The following PIK3C2B variants were observed in gnomAD, a reference collection of about 807,000 sequenced individuals.
The protein encoded by PIK3C2B is phosphatidylinositol-4-phosphate 3-kinase catalytic subunit type 2 beta.
PIK3C2B carries 83 observed loss-of-function variants against 184.3 expected under a neutral mutation model. That is an observed-to-expected ratio of 0.45 (90% CI 0.38 to 0.54). The LOEUF (loss-of-function observed/expected upper bound fraction) is 0.54, where lower values mean the gene tolerates loss of function less well. Among genes scored for constraint, PIK3C2B ranks in the 20% least tolerant of loss-of-function variants. The probability of loss-of-function intolerance (pLI) is 0.00; values close to 1 mark genes in which losing one functional copy is unlikely to be tolerated. For synonymous variants in PIK3C2B, 779 were observed against 837.6 expected (o/e 0.93, Z 1.21); for missense variants, 1,736 against 2,113.5 (o/e 0.82, Z 3.50).
chr1:204,463,803 C>T (rs1258933319), intron 5 of PIK3C2B, among the ~76,000 whole-genome samples: 3 of 151,864 alleles, frequency 2.0e-5, no homozygotes, highest in Non-Finnish European at 4.4e-5. Context: ...CTTTCCACAG[C>T]AGACTTGGCT....
At chr1:204,440,375 C>G in intron 21 of PIK3C2B, 54 bp from the exon 22 acceptor site, 1 of 1,519,520 alleles carries the variant, frequency 6.6e-7, no homozygotes, top group South Asian at 1.3e-5. Context: ...CCCCAGCTCT[C>G]AGGTCTCCCA....
Position 204,483,520 on chromosome 1 carries a change from G to A in PIK3C2B, c.-85+10836C>T, listed in dbSNP as rs116456379. ...CACTGATAAAAATGGTGGCCCTGTC[G>A]CCTGGGGAACAAGAGCAACGCTTTT... is the stretch of plus-strand genomic sequence containing the variant. On this transcript the variant is annotated intron_variant, in intron 1 of 32. Coordinates refer to ENST00000684373, the MANE Select transcript of PIK3C2B (RefSeq NM_001377334.1). Among the ~76,000 whole-genome samples, 1,339 of 152,068 alleles carry A rather than the reference G, an allele frequency of 8.8e-3. 24 individuals are homozygous for A. Among genetic ancestry groups the A allele is most frequent in the African/African-American group, 0.029 (1,201 of 41,468 alleles).
intron 2 of PIK3C2B, among the ~76,000 whole-genome samples, chr1:204,466,164 G>T (rs377521068): frequency 6.6e-6 from 1 of 152,202 alleles, no homozygotes; most frequent in Non-Finnish European, 1.5e-5. Flanking sequence ...GAGGGGGAGG[G>T]AGAGCTGGTG....
At position 204,457,902 on chromosome 1, in the gene PIK3C2B, C is replaced by T. The variant is rs768605640; in HGVS notation, c.1567-28G>A. 8 of 1,607,096 alleles carry T rather than the reference C, an allele frequency of 5.0e-6. No homozygotes were observed. In the South Asian group the frequency reaches 6.7e-5, roughly 13 times the overall value. The stretch of plus-strand genomic sequence containing the variant: ...GTGGGAGGTGGCACAGTGAGGCTGG[C>T]AGGCTCTGCTCTCATGCTCTTGGTC... On this transcript the variant is annotated intron_variant, in intron 8 of 32. Coordinates refer to ENST00000684373, the MANE Select transcript of PIK3C2B (RefSeq NM_001377334.1).
Position 204,447,480 on chromosome 1 carries a change from G to C in PIK3C2B, c.2445C>G (p.Asp815Glu), listed in dbSNP as rs1393496815. The change falls in exon 15 of 33, where the codon GAC becomes GAG. Residue 815 changes from aspartate to glutamate, a missense_variant. Transcript: ENST00000684373. The surrounding 1 kb of genome is among the most constrained non-coding windows in gnomAD (Gnocchi z 4.1). ...GCATGATGTCTTTAAGCTTGCGCTGGTCTTCTTCCCGGAGGCTGCCAAACT... is the reference window on the plus strand; with the variant it reads ...GCATGATGTCTTTAAGCTTGCGCTGCTCTTCTTCCCGGAGGCTGCCAAACT... ...RYEFGSLREEDQRKLKDIMQK... is the reference protein window; with the variant it reads ...RYEFGSLREEEQRKLKDIMQK... 1.2e-6 allele frequency: 2 copies of C among 1,613,640 alleles called. No individual in the cohort carries two copies. Among genetic ancestry groups the C allele is most frequent in the Admixed American group, 3.3e-5 (2 of 59,982 alleles).
At chr1:204,460,197 G>A in intron 7 of PIK3C2B, 127 bp downstream of exon 7, 2 of 756,932 alleles carry the variant, frequency 2.6e-6, no homozygotes, top group East Asian at 2.6e-5. Context: ...CTGATAAGAT[G>A]TGTGGGCCCC....
chr1:204,447,390 G>A lies in PIK3C2B; in HGVS notation c.2489+46C>T, dbSNP rs770079472. The A allele has an allele frequency of 3.2e-6, 5 of 1,582,470 alleles. No individual in the cohort carries two copies. In the Admixed American group the frequency reaches 5.1e-5, roughly 16 times the overall value. ...CAGGAGGACGGAGACTCAGTGCTGG[G>A]AGGTCAGATGAAACATGACAGATTC... On this transcript the variant is annotated intron_variant, in intron 15 of 32. Transcript: ENST00000684373. This position sits in a 1 kb window ranked among gnomAD's most constrained non-coding sequence, Gnocchi z 4.1.
intron 1 of PIK3C2B, among the ~76,000 whole-genome samples, chr1:204,484,708 T>C (rs538637391): frequency 6.6e-6 from 1 of 151,876 alleles, no homozygotes; most frequent in South Asian, 2.1e-4. Context: ...CACTCCAGCC[T>C]GGGCGACAAA....
chr1:204,428,157 G>A lies in PIK3C2B; in HGVS notation c.4462C>T (p.Pro1488Ser), dbSNP rs1674848773. 2 of 1,609,114 alleles carry A rather than the reference G, an allele frequency of 1.2e-6. No homozygotes were observed. The highest frequency in any genetic ancestry group is 1.7e-6 in the Non-Finnish European group (2 of 1,175,698). The change falls in exon 30 of 33, where the codon CCA becomes TCA. Residue 1488 changes from proline to serine, a missense_variant. Pro to Ser is a moderately conservative substitution (Grantham distance 74). Around this residue, in one of 8 missense-constraint regions of PIK3C2B, gnomAD observed 200 missense variants for 199.1 expected, o/e 1.00. Transcript: ENST00000684373. Reference protein sequence around the residue: ...PRDEKAMGTSPAPKSSDGTWA... With the variant: ...PRDEKAMGTSSAPKSSDGTWA... The stretch of plus-strand genomic sequence containing the variant: ...ACTGTACCTGAGGACTTAGGAGCTG[G>A]GCTGGTGCCCATAGCCTTCTCATCC...
rs17847770 is a variant in PIK3C2B at position 204,424,735 on chromosome 1, C to G, written c.*117G>C. 2 of 988,268 alleles carry G rather than the reference C, an allele frequency of 2.0e-6. No homozygotes were observed. Among genetic ancestry groups the G allele is most frequent in the Non-Finnish European group, 3.2e-6 (2 of 615,764 alleles). 61.2% of individuals were successfully genotyped at this position (988,268 alleles called of 1,614,324 possible). A position where few individuals can be genotyped will look rare whatever the true frequency, so the allele number is the denominator to read the frequency against. On this transcript the variant is annotated 3_prime_UTR_variant, in exon 33 of 33. Transcript: ENST00000684373. ...CCACAGAGGCCAGAATCACCTGGAC[C>G]GAGCTGGAGGCCTGCCCAGGGCCCT...
chr1:204,441,402 A>T, intron 21 of PIK3C2B, 69 bp downstream of exon 21: 1 of 948,100 alleles, frequency 1.1e-6, no homozygotes, highest in Non-Finnish European at 1.7e-6. Flanking sequence ...GGGGCTACTT[A>T]ATGCCACTCT....
At chr1:204,489,469 C>T (rs1279575686) in intron 1 of PIK3C2B, among the ~76,000 whole-genome samples, 1 of 145,164 alleles carries the variant, frequency 6.9e-6, no homozygotes, top group Non-Finnish European at 1.5e-5. Flanking sequence ...TATTCCTGGC[C>T]CCTATCTTTT....
rs116549247 is a variant in PIK3C2B, at chr1:204,469,416, G to A, written c.387C>T (p.Tyr129=). 116 of 1,553,602 alleles carry A rather than the reference G, an allele frequency of 7.5e-5. No individual in the cohort carries two copies. The African/African-American group carries it at 9.7e-4, about 13-fold the overall frequency. ...CTCCCCCATCTGAACCATCAAAAAT[G>A]TAGAGATAGTCTCCAGACAGGGAGC... ...PKGSLSGDYL[Y]IFDGSDGGVS... is the part of the protein sequence containing the mutation. The change falls in exon 2 of 33, where the codon TAC becomes TAT. Residue 129 remains tyrosine (Y), a synonymous_variant. Coordinates refer to ENST00000684373, the MANE Select transcript of PIK3C2B (RefSeq NM_001377334.1).
At chr1:204,484,739 A>C (rs911371311) in intron 1 of PIK3C2B, among the ~76,000 whole-genome samples, 4 of 152,222 alleles carry the variant, frequency 2.6e-5, no homozygotes, top group African/African-American at 4.8e-5. Flanking sequence ...GTCTCAAAAA[A>C]AAAAAAGTGT....
At chr1:204,434,319 G>T in intron 24 of PIK3C2B, 120 bp downstream of exon 24, 3 of 868,270 alleles carry the variant, frequency 3.5e-6, no homozygotes, top group Non-Finnish European at 3.7e-6. Flanking sequence ...ATGCTGCTCA[G>T]CCCTGGGACC....
intron 1 of PIK3C2B, among the ~76,000 whole-genome samples, chr1:204,489,322 C>T (rs1038146858): frequency 8.5e-5 from 13 of 152,050 alleles, no homozygotes; most frequent in African/African-American, 3.1e-4. Flanking sequence ...TGTGCGCCAT[C>T]ACACCCTAAT....
intron 19 of PIK3C2B, among the ~76,000 whole-genome samples, chr1:204,443,024 C>T (rs1675757217): frequency 6.6e-6 from 1 of 152,212 alleles, no homozygotes; most frequent in African/African-American, 2.4e-5. Flanking sequence ...GTTACAATGT[C>T]TTCGTACAAA....
At chr1:204,452,436 C>T (rs992916980) in intron 12 of PIK3C2B, among the ~76,000 whole-genome samples, 1 of 150,294 alleles carries the variant, frequency 6.7e-6, no homozygotes, top group Non-Finnish European at 1.5e-5. Flanking sequence ...TGCCACCACA[C>T]TTGGCTAATT....
chr1:204,474,898 A>G (rs1031476977), intron 1 of PIK3C2B, among the ~76,000 whole-genome samples: 1 of 151,878 alleles, frequency 6.6e-6, no homozygotes, highest in Non-Finnish European at 1.5e-5. Flanking sequence ...CAGTCCCCCA[A>G]GCTAAAAATC....
Sources: gnomAD v4.1 joint callset for allele counts (sites outside exome capture counted in the v4.1 genomes callset) on GRCh38, gnomAD v4.1.1 for gene constraint, gnomAD v4.1.1 regional missense constraint, Gnocchi (gnomAD v3.1) non-coding constraint, MANE v1.5 for transcripts, NCBI Gene and HGNC (gene_info 2026-07-23, HGNC 2026-07-21) for gene names.